The following GPR39 variants were observed in gnomAD, a reference collection of about 807,000 sequenced individuals.
The protein encoded by GPR39 is zinc sensing receptor.
A neutral mutation model predicts 18.4 loss-of-function variants in GPR39; 23 were observed. The ratio of observed to expected loss-of-function variants is 1.25; its 90% CI spans 0.90 to 1.77. The LOEUF (loss-of-function observed/expected upper bound fraction) is 1.77, where lower values mean the gene tolerates loss of function less well. Ranked by LOEUF, GPR39 falls within the 40% of genes most tolerant of loss-of-function variation. The probability of loss-of-function intolerance (pLI) is 0.00; values close to 1 mark genes in which losing one functional copy is unlikely to be tolerated. For synonymous variants in GPR39, 280 were observed against 257.9 expected (o/e 1.09, Z -0.82); for missense variants, 647 against 602.4 (o/e 1.07, Z -0.78).
At chr2:132,536,424 T>C (rs1460243528) in intron 1 of GPR39, among the ~76,000 whole-genome samples, 1 of 152,214 alleles carries the variant, frequency 6.6e-6, no homozygotes, top group Non-Finnish European at 1.5e-5. Context: ...TGCACTGTGG[T>C]CTGAGAGACT....
intron 1 of GPR39, among the ~76,000 whole-genome samples, chr2:132,482,246 A>T (rs767880477): frequency 3.3e-5 from 5 of 151,990 alleles, no homozygotes; most frequent in African/African-American, 7.3e-5. Context: ...GTTTTAGGAC[A>T]TTTTCCCTTT....
At chr2:132,526,280 T>A (rs66553309) in intron 1 of GPR39, among the ~76,000 whole-genome samples, 19,830 of 152,120 alleles carry the variant, frequency 0.13, 2,138 homozygotes, top group East Asian at 0.59. Context: ...CCTACAGATA[T>A]TTGACCCCAA....
intron 1 of GPR39, among the ~76,000 whole-genome samples, chr2:132,514,753 GA>G (rs1407642094): frequency 1.3e-5 from 2 of 152,182 alleles, no homozygotes; most frequent in African/African-American, 4.8e-5. Flanking sequence ...AAATGCCAGA[GA>G]AATTTAGAAA....
Position 132,548,876 on chromosome 2 carries a change from A to T in GPR39, c.857-96225A>T, listed in dbSNP as rs1436343174. On this transcript the variant is annotated intron_variant, in intron 1 of 1. Coordinates refer to ENST00000329321, the MANE Select transcript of GPR39 (RefSeq NM_001508.3). ...CCTGGGTTATCTTTCAGAGTTCCTG[A>T]CTGCCTATACATTCACATTGTTCAA... Among the ~76,000 whole-genome samples the T allele has an allele frequency of 2.6e-5, 4 of 152,302 alleles. No homozygotes were observed. In the East Asian group the frequency reaches 7.7e-4, roughly 29 times the overall value.
At chr2:132,550,657 T>C (rs1680026485) in intron 1 of GPR39, among the ~76,000 whole-genome samples, 1 of 152,190 alleles carries the variant, frequency 6.6e-6, no homozygotes, top group Admixed American at 6.5e-5. Flanking sequence ...ACATAGAATG[T>C]CAGATCTGAA....
intron 1 of GPR39, among the ~76,000 whole-genome samples, chr2:132,605,729 A>G (rs573254078): frequency 1.3e-5 from 2 of 152,282 alleles, no homozygotes; most frequent in Admixed American, 1.3e-4. Flanking sequence ...GCTCCCCATT[A>G]AGAATCCCTG....
At chr2:132,534,557 C>G (rs931169761) in intron 1 of GPR39, among the ~76,000 whole-genome samples, 1 of 149,712 alleles carries the variant, frequency 6.7e-6, no homozygotes, top group African/African-American at 2.4e-5. Context: ...TATTGTGGCA[C>G]TATTCACAAT....
At chr2:132,631,811 T>C (rs540990076) in intron 1 of GPR39, among the ~76,000 whole-genome samples, 77 of 151,160 alleles carry the variant, frequency 5.1e-4, no homozygotes, top group African/African-American at 1.9e-3. Flanking sequence ...ATGAAGTTTT[T>C]CTTCTTCTTC....
intron 1 of GPR39, among the ~76,000 whole-genome samples, chr2:132,533,842 C>A (rs1679690264): frequency 6.6e-6 from 1 of 152,114 alleles, no homozygotes; most frequent in Non-Finnish European, 1.5e-5. Context: ...AAAATTAATT[C>A]AAGATGGATT....
chr2:132,642,424 C>A (rs1236192454), intron 1 of GPR39, among the ~76,000 whole-genome samples: 1 of 152,140 alleles, frequency 6.6e-6, no homozygotes, highest in Non-Finnish European at 1.5e-5. Flanking sequence ...TCTTTATCTA[C>A]CCCTGCCTTT....
Position 132,488,368 on chromosome 2 carries a change from C to CA in GPR39, c.856+70479dup, listed in dbSNP as rs546383461. On this transcript the variant is annotated intron_variant, in intron 1 of 1. Transcript: ENST00000329321. Reference sequence around the variant, plus strand: ...AAGAGGCATATTTAGGTAAAAATAACAAAAAAAAACCCTTGCTGCATAGAT... The same window carrying CA: ...AAGAGGCATATTTAGGTAAAAATAACAAAAAAAAAACCCTTGCTGCATAGAT... 6.9e-4 allele frequency among the ~76,000 whole-genome samples: 104 copies of CA among 150,990 alleles called. 1 individual carries two copies. The highest frequency in any genetic ancestry group is 2.1e-3 in the South Asian group (10 of 4,768).
chr2:132,467,529 A>G (rs1396498228), intron 1 of GPR39, among the ~76,000 whole-genome samples: 1 of 152,218 alleles, frequency 6.6e-6, no homozygotes. Flanking sequence ...TAGCCAGGAA[A>G]CAAACTTGTG....
At chr2:132,566,646 A>T (rs1483456425) in intron 1 of GPR39, among the ~76,000 whole-genome samples, 1 of 152,130 alleles carries the variant, frequency 6.6e-6, no homozygotes, top group African/African-American at 2.4e-5. Context: ...CAAGAGAAAA[A>T]ACTCAGTATT....
chr2:132,465,195 A>T (rs1187553399), intron 1 of GPR39, among the ~76,000 whole-genome samples: 3 of 152,226 alleles, frequency 2.0e-5, no homozygotes, highest in African/African-American at 7.2e-5. Context: ...AAGCAAAAAA[A>T]AAAGAAAGAA....
At chr2:132,517,294 G>A (rs1031077829) in intron 1 of GPR39, among the ~76,000 whole-genome samples, 1 of 152,066 alleles carries the variant, frequency 6.6e-6, no homozygotes, top group Non-Finnish European at 1.5e-5. Flanking sequence ...TTGCCATTTT[G>A]GGGGAGGTTA....
At chr2:132,546,895 GGGAGGGAA>G (rs1275972500) in intron 1 of GPR39, among the ~76,000 whole-genome samples, 1 of 145,040 alleles carries the variant, frequency 6.9e-6, no homozygotes, top group African/African-American at 2.6e-5. Flanking sequence ...TCAAATGAAG[GGGAGGGAA>G]GGAGGAAAGG....
chr2:132,449,310 C>T (rs1047730276), intron 1 of GPR39, among the ~76,000 whole-genome samples: 9 of 152,082 alleles, frequency 5.9e-5, no homozygotes, highest in East Asian at 3.9e-4. Flanking sequence ...TACAATGGCG[C>T]GATCTTGGCT....
At chr2:132,558,376 C>G (rs941118335) in intron 1 of GPR39, among the ~76,000 whole-genome samples, 3 of 152,062 alleles carry the variant, frequency 2.0e-5, no homozygotes, top group Admixed American at 1.3e-4. Flanking sequence ...CAAGGAATCC[C>G]ACACACCTCA....
At chr2:132,485,746 A>G (rs1558812155) in intron 1 of GPR39, among the ~76,000 whole-genome samples, 1 of 152,122 alleles carries the variant, frequency 6.6e-6, no homozygotes. Flanking sequence ...TACTATTTCC[A>G]CCATATATGC....
Sources: gnomAD v4.1 joint callset for allele counts (sites outside exome capture counted in the v4.1 genomes callset) on GRCh38, gnomAD v4.1.1 for gene constraint, MANE v1.5 for transcripts, NCBI Gene and HGNC (gene_info 2026-07-23, HGNC 2026-07-21) for gene names.